The following SNRK variants were observed in gnomAD, a reference collection of about 807,000 sequenced individuals.
The protein encoded by SNRK is SNF related kinase, also known as SNF-related serine/threonine-protein kinase.
In SNRK, 3 loss-of-function variants were observed where a neutral mutation model predicts 48.2. That is an observed-to-expected ratio of 0.06 (90% CI 0.03 to 0.16). The LOEUF is 0.16. Among genes scored for constraint, SNRK ranks in the 10% least tolerant of loss-of-function variants. The pLI, the probability that SNRK is intolerant of heterozygous loss-of-function variation, is 1.00. For missense variants in SNRK, 627 were observed against 976.0 expected (o/e 0.64, Z 4.76); for synonymous variants, 376 against 366.1 (o/e 1.03, Z -0.31).
chr3:43,327,509 G>C (rs1307594228), intron 3 of SNRK, among the ~76,000 whole-genome samples: 1 of 152,132 alleles, frequency 6.6e-6, no homozygotes, highest in Non-Finnish European at 1.5e-5. Flanking sequence ...ACTGATAAAA[G>C]AAAGCTGATA....
chr3:43,323,460 C>T (rs775557670), intron 3 of SNRK, among the ~76,000 whole-genome samples: 6 of 152,302 alleles, frequency 3.9e-5, no homozygotes, highest in South Asian at 2.1e-4. Flanking sequence ...ATACCAAGTG[C>T]TGGCAAGGGT....
At chr3:43,304,147 C>A (rs972889323) in intron 3 of SNRK, among the ~76,000 whole-genome samples, 7 of 152,116 alleles carry the variant, frequency 4.6e-5, no homozygotes, top group Admixed American at 4.6e-4. Flanking sequence ...TATCGTCTAA[C>A]AATCATTGGA....
chr3:43,303,932 A>G lies in SNRK; in HGVS notation c.589+140A>G, dbSNP rs901675758. 1.6e-6 allele frequency: 1 copy of G among 625,082 alleles called. No homozygotes were observed. Among genetic ancestry groups the G allele is most frequent in the South Asian group, 2.1e-5 (1 of 47,402 alleles). 38.7% of individuals were successfully genotyped at this position (625,082 alleles called of 1,614,324 possible). On this transcript the variant is annotated intron_variant, in intron 3 of 6. Transcript: ENST00000296088. This position sits in a 1 kb window ranked among gnomAD's most constrained non-coding sequence, Gnocchi z 6.2. ...TAGCAAATTGGGTTTCATAAATGCC[A>G]TATATGCCTAAAGCTGGCATTTCGT...
chr3:43,321,126 A>C (rs66498110), intron 3 of SNRK, among the ~76,000 whole-genome samples: 32,788 of 151,956 alleles, frequency 0.22, 4,092 homozygotes, highest in Middle Eastern at 0.35. Context: ...AAACAACTTC[A>C]TAAGAATTTC....
intron 3 of SNRK, among the ~76,000 whole-genome samples, chr3:43,305,610 G>A (rs1231571088): frequency 2.6e-5 from 4 of 151,008 alleles, no homozygotes; most frequent in African/African-American, 9.7e-5. Context: ...AGCCTCCCGA[G>A]TAGCTGGGAC....
intron 4 of SNRK, among the ~76,000 whole-genome samples, chr3:43,339,696 G>A (rs1413983530): frequency 6.6e-6 from 1 of 150,580 alleles, no homozygotes; most frequent in East Asian, 2.0e-4. Context: ...CGTGCCTGTA[G>A]TCCCAGCTAC....
chr3:43,330,696 A>T (rs2091139399), intron 3 of SNRK, among the ~76,000 whole-genome samples: 1 of 152,226 alleles, frequency 6.6e-6, no homozygotes, highest in Non-Finnish European at 1.5e-5. Flanking sequence ...CAAAGAAATG[A>T]CAGTGAATGG....
At position 43,348,684 on chromosome 3, in the gene SNRK, T is replaced by C; in HGVS notation, c.*127T>C. 1.2e-5 allele frequency: 12 copies of C among 1,014,838 alleles called. No individual in the cohort carries two copies. The highest frequency in any genetic ancestry group is 1.6e-5 in the Non-Finnish European group (12 of 754,602). 62.9% of individuals were successfully genotyped at this position (1,014,838 alleles called of 1,614,324 possible). On this transcript the variant is annotated 3_prime_UTR_variant, in exon 7 of 7. Coordinates refer to ENST00000296088, the MANE Select transcript of SNRK (RefSeq NM_017719.5). ...GGAGCAATTATTTATTACCTTTCCA[T>C]TTGTTCGCCTGATGATGTGACAATG...
At chr3:43,318,578 A>T (rs2125630513) in intron 3 of SNRK, among the ~76,000 whole-genome samples, 1 of 151,968 alleles carries the variant, frequency 6.6e-6, no homozygotes, top group East Asian at 1.9e-4. Context: ...TGAGGTAAGA[A>T]ATGTATGCCT....
intron 1 of SNRK, among the ~76,000 whole-genome samples, chr3:43,287,773 AACTT>A (rs2090777818): frequency 6.6e-6 from 1 of 152,196 alleles, no homozygotes; most frequent in South Asian, 2.1e-4. Flanking sequence ...ACCAGTCTTT[AACTT>A]ATCAGAATAT....
intron 3 of SNRK, among the ~76,000 whole-genome samples, chr3:43,317,926 A>G (rs1559464354): frequency 6.6e-6 from 1 of 152,238 alleles, no homozygotes; most frequent in Non-Finnish European, 1.5e-5. Flanking sequence ...ATGAATGAAT[A>G]CATGTAAAGT....
At chr3:43,301,689 T>C (rs552180721) in intron 2 of SNRK, among the ~76,000 whole-genome samples, 1 of 152,342 alleles carries the variant, frequency 6.6e-6, no homozygotes, top group East Asian at 1.9e-4. Flanking sequence ...TTTATCTAAG[T>C]GGACTCAATA....
rs116783216 is a variant in SNRK at position 43,313,608 on chromosome 3, T to G, written c.589+9816T>G. 6.6e-3 allele frequency among the ~76,000 whole-genome samples: 1,011 copies of G among 152,302 alleles called. 14 individuals carry two copies. Among genetic ancestry groups the G allele is most frequent in the African/African-American group, 0.023 (963 of 41,570 alleles). Reference sequence around the variant, plus strand: ...GCCTTGTGGTGATGGAGCACTTCTGTGTCTGGCGGTTATAGAAATCTCCAC... The same window carrying G: ...GCCTTGTGGTGATGGAGCACTTCTGGGTCTGGCGGTTATAGAAATCTCCAC... On this transcript the variant is annotated intron_variant, in intron 3 of 6. Transcript: ENST00000296088.
chr3:43,304,693 C>A (rs1182702483), intron 3 of SNRK, among the ~76,000 whole-genome samples: 1 of 151,902 alleles, frequency 6.6e-6, no homozygotes. Context: ...ATGTCAGATT[C>A]ATATGTATGA....
chr3:43,294,895 A>G (rs1248659392), intron 1 of SNRK, among the ~76,000 whole-genome samples: 1 of 152,110 alleles, frequency 6.6e-6, no homozygotes. Context: ...CCATAACTTA[A>G]TATTCTGTTT....
intron 3 of SNRK, among the ~76,000 whole-genome samples, chr3:43,326,983 C>G (rs2125635997): frequency 6.6e-6 from 1 of 152,258 alleles, no homozygotes; most frequent in Non-Finnish European, 1.5e-5. Context: ...GAAAATAGAT[C>G]TAAAAAACTT....
At chr3:43,305,151 T>C (rs547791998) in intron 3 of SNRK, among the ~76,000 whole-genome samples, 1 of 152,180 alleles carries the variant, frequency 6.6e-6, no homozygotes. Flanking sequence ...CAAAACTAAG[T>C]GTTGGTAAGA....
At chr3:43,319,924 A>C (rs895464206) in intron 3 of SNRK, among the ~76,000 whole-genome samples, 1 of 152,316 alleles carries the variant, frequency 6.6e-6, no homozygotes, top group African/African-American at 2.4e-5. Flanking sequence ...ATTTTGGGTT[A>C]GTTTCAGAGG....
intron 3 of SNRK, among the ~76,000 whole-genome samples, chr3:43,304,348 G>A (rs372020654): frequency 6.6e-6 from 1 of 152,222 alleles, no homozygotes; most frequent in Admixed American, 6.5e-5. Flanking sequence ...ACAGCGACCC[G>A]TGGGGTTGTT....
Sources: gnomAD v4.1 joint callset for allele counts (sites outside exome capture counted in the v4.1 genomes callset) on GRCh38, gnomAD v4.1.1 for gene constraint, Gnocchi (gnomAD v3.1) non-coding constraint, MANE v1.5 for transcripts, NCBI Gene and HGNC (gene_info 2026-07-23, HGNC 2026-07-21) for gene names.